CYBB: variants seen among roughly 807,000 people sequenced by gnomAD.
The protein encoded by CYBB is NADPH oxidase 2.
CYBB carries 5 observed loss-of-function variants against 46.5 expected under a neutral mutation model. That is an observed-to-expected ratio of 0.11 (90% CI 0.06 to 0.23). The LOEUF (loss-of-function observed/expected upper bound fraction) is 0.23, where lower values mean the gene tolerates loss of function less well. Among genes scored for constraint, CYBB ranks in the 10% least tolerant of loss-of-function variants. The pLI is 1.00. For missense variants in CYBB, 307 were observed against 428.3 expected (o/e 0.72, Z 2.50); for synonymous variants, 183 against 156.7 (o/e 1.17, Z -1.26).
chrX:37,782,177 T>A lies in CYBB; in HGVS notation c.135T>A (p.Leu45=), dbSNP rs1473978630. ...IPPKFFYTRK[L]LGSALALARA... ...CTAAGTTCTTTTACACAAGAAAACT[T>A]CTTGGGGTAAGTATAAATTCCATCC... Residue 45 remains leucine, a synonymous_variant, in exon 2 of 13, where the codon CTT becomes CTA. Transcript: ENST00000378588. The A allele has an allele frequency of 2.6e-6, 3 of 1,158,438 alleles. No individual in the cohort carries two copies. The highest frequency in any genetic ancestry group is 3.5e-6 in the Non-Finnish European group (3 of 847,776).
At chrX:37,803,818 A>G in intron 8 of CYBB, 59 bp from the exon 9 acceptor site, 2 of 1,173,210 alleles carry the variant, frequency 1.7e-6, no homozygotes, top group South Asian at 1.8e-5. Flanking sequence ...CCATATGGAC[A>G]CTAAAAAGGC....
chrX:37,784,479 G>T (rs1929017749), intron 3 of CYBB, among the ~76,000 whole-genome samples: 2 of 111,600 alleles, frequency 1.8e-5, no homozygotes, highest in South Asian at 7.4e-4. Flanking sequence ...ATTCTATGTG[G>T]AGAAGATGGC....
chrX:37,786,092 G>A (rs931003355), intron 3 of CYBB, among the ~76,000 whole-genome samples: 2 of 112,305 alleles, frequency 1.8e-5, no homozygotes, highest in African/African-American at 6.5e-5. Context: ...GATCAAGCAT[G>A]TACTTTCTTC....
intron 6 of CYBB, chrX:37,798,383 A>C (rs1244975736): frequency 8.1e-6 from 1 of 123,989 alleles, no homozygotes; most frequent in African/African-American, 3.2e-5. Context: ...AGTATCTCAA[A>C]CTGGTTTCAA....
At position 37,809,656 on chromosome X, in the gene CYBB, T is replaced by A. The variant is rs151344452; in HGVS notation, c.1551T>A (p.Asp517Glu). ...CTTTGTATGGACGGCCCAACTGGGA[T>A]AATGAATTCAAGACAATTGCAAGTC... ...QKTLYGRPNW[D>E]NEFKTIASQH... Residue 517 changes from aspartate (D) to glutamate (E), a missense_variant, in exon 12 of 13, where the codon GAT becomes GAA. Transcript: ENST00000378588. 2,516 of 1,207,338 alleles carry A rather than the reference T, an allele frequency of 2.1e-3. 4 individuals are homozygous for A. The highest frequency in any genetic ancestry group is 2.6e-3 in the Non-Finnish European group (2,342 of 893,759).
chrX:37,791,104 T>G (rs1457149588), intron 3 of CYBB, among the ~76,000 whole-genome samples: 1 of 111,661 alleles, frequency 9.0e-6, no homozygotes, highest in Non-Finnish European at 1.9e-5. Context: ...ATGTAAAGTA[T>G]GAAATATCAG....
chrX:37,790,075 G>A (rs1243105217), intron 3 of CYBB, among the ~76,000 whole-genome samples: 2 of 111,803 alleles, frequency 1.8e-5, no homozygotes, highest in Non-Finnish European at 3.8e-5. Context: ...GAACACCCAA[G>A]CTTCTTAACC....
At position 37,810,883 on chromosome X, in the gene CYBB, G is replaced by A. The variant is rs1929659586; in HGVS notation, c.1679G>A (p.Gly560Glu). ...SISNSESGPR[G>E]VHFIFNKENF ...TCCAACTCTGAGTCTGGCCCTCGGG[G>A]AGTGCATTTCATTTTCAACAAGGAA... Residue 560 changes from glycine (G) to glutamate (E), a missense_variant, in exon 13 of 13, where the codon GGA (glycine) becomes GAA (glutamate). Around this residue, in one of 3 missense-constraint regions of CYBB, gnomAD observed 122 missense variants for 208.3 expected, o/e 0.59. Coordinates refer to ENST00000378588, the MANE Select transcript of CYBB (RefSeq NM_000397.4). The A allele has an allele frequency of 8.3e-7, 1 of 1,206,898 alleles. No homozygotes were observed. Among genetic ancestry groups the A allele is most frequent in the Non-Finnish European group, 1.1e-6 (1 of 892,639 alleles).
At position 37,810,930 on chromosome X, in the gene CYBB, A is replaced by G. The variant is rs1270158697; in HGVS notation, c.*13A>G. 1 of 1,200,297 alleles carries G rather than the reference A, an allele frequency of 8.3e-7. No homozygotes were observed. The highest frequency in any genetic ancestry group is 2.3e-4 in the Middle Eastern group (1 of 4,316). On this transcript the variant is annotated 3_prime_UTR_variant, in exon 13 of 13. Transcript: ENST00000378588. ...GGAAAACTTCTAACTTGTCTCTTCCATGAGGAAATAAATGTGGGTTGTGCT... is the reference window on the plus strand; with the variant it reads ...GGAAAACTTCTAACTTGTCTCTTCCGTGAGGAAATAAATGTGGGTTGTGCT...
At chrX:37,806,025 A>C (rs1260357246) in intron 10 of CYBB, among the ~76,000 whole-genome samples, 5 of 112,080 alleles carry the variant, frequency 4.5e-5, no homozygotes, top group African/African-American at 1.6e-4. Context: ...GCCAGGGAAG[A>C]ATTTCTGTGG....
intron 8 of CYBB, among the ~76,000 whole-genome samples, chrX:37,803,040 C>T (rs934503149): frequency 2.7e-5 from 3 of 111,607 alleles, no homozygotes; most frequent in Non-Finnish European, 5.7e-5. Flanking sequence ...AACGTGTGTA[C>T]GTAGACAGAT....
intron 3 of CYBB, among the ~76,000 whole-genome samples, chrX:37,791,603 T>A (rs111809392): frequency 4.4e-5 from 5 of 112,425 alleles, no homozygotes; most frequent in African/African-American, 1.6e-4. Flanking sequence ...AGGTATGTGA[T>A]GTTAATTTCT....
At chrX:37,786,905 GT>G (rs1467947969) in intron 3 of CYBB, among the ~76,000 whole-genome samples, 7 of 104,858 alleles carry the variant, frequency 6.7e-5, no homozygotes, top group Admixed American at 1.0e-4. Context: ...CTGTCTCATA[GT>G]TTTTTTTTTT....
At chrX:37,793,258 G>C (rs1929234754) in intron 4 of CYBB, among the ~76,000 whole-genome samples, 1 of 108,721 alleles carries the variant, frequency 9.2e-6, no homozygotes, top group South Asian at 4.0e-4. Flanking sequence ...CAGCAATTAG[G>C]CATTCACTAC....
intron 8 of CYBB, among the ~76,000 whole-genome samples, chrX:37,803,430 G>T (rs1343372062): frequency 1.8e-5 from 2 of 110,977 alleles, no homozygotes; most frequent in African/African-American, 6.5e-5. Flanking sequence ...ATCACAATAG[G>T]CTGATTTCTT....
intron 3 of CYBB, among the ~76,000 whole-genome samples, chrX:37,786,035 A>T (rs1929060285): frequency 8.9e-6 from 1 of 112,227 alleles, no homozygotes; most frequent in Non-Finnish European, 1.9e-5. Context: ...AGATCTTTAT[A>T]TAAAAGAATA....
rs782111012 is a variant in CYBB, at chrX:37,804,149, T to G, written c.1151+19T>G. 7 of 1,204,824 alleles carry G rather than the reference T, an allele frequency of 5.8e-6. No homozygotes were observed. In the Admixed American group the frequency reaches 1.5e-4, roughly 26 times the overall value. On this transcript the variant is annotated intron_variant, in intron 9 of 12. Transcript: ENST00000378588. ...TACCTAAGTGAGTAAAAAGTACATA[T>G]TACCAACGTATATGAGTTCAGGAAA...
chrX:37,813,165 AAGCCACCAGCTGCC>A lies in CYBB; in HGVS notation c.*2259_*2272del, dbSNP rs1168110958. On this transcript the variant is annotated 3_prime_UTR_variant, in exon 13 of 13. Coordinates refer to ENST00000378588, the MANE Select transcript of CYBB (RefSeq NM_000397.4). ...TAAAAGTTTCCTTTTTTATTCTCTC[AAGCCACCAGCTGCC>A]AGCCACCAGCAGCCAGCTGCCAGCC... The A allele has an allele frequency of 9.2e-6, 1 of 108,836 alleles. No homozygotes were observed. Among genetic ancestry groups the A allele is most frequent in the African/African-American group, 3.4e-5 (1 of 29,712 alleles). 9.0% of individuals were successfully genotyped at this position (108,836 alleles called of 1,213,427 possible). A position where few individuals can be genotyped will look rare whatever the true frequency, so the allele number is the denominator to read the frequency against.
At chrX:37,797,966 T>C (rs1929348548) in intron 6 of CYBB, among the ~76,000 whole-genome samples, 1 of 111,977 alleles carries the variant, frequency 8.9e-6, no homozygotes, top group Non-Finnish European at 1.9e-5. Context: ...TTAACTGAGA[T>C]AATTTGTGTA....
Sources: gnomAD v4.1 joint callset for allele counts (sites outside exome capture counted in the v4.1 genomes callset) on GRCh38, gnomAD v4.1.1 for gene constraint, gnomAD v4.1.1 regional missense constraint, MANE v1.5 for transcripts, NCBI Gene and HGNC (gene_info 2026-07-23, HGNC 2026-07-21) for gene names.